Variants in NLRC3 observed in about 807,000 individuals in gnomAD.
NLRC3 encodes NLR family CARD domain-containing protein 3.
NLRC3 carries 87 observed loss-of-function variants against 91.6 expected under a neutral mutation model. The observed-to-expected ratio is 0.95, with a 90% CI of 0.80 to 1.14. The LOEUF (loss-of-function observed/expected upper bound fraction) is 1.14, where lower values mean the gene tolerates loss of function less well. Among genes scored for constraint, NLRC3 ranks in the 50% most tolerant of loss-of-function variants. NLRC3 has a pLI of 0.00. For synonymous variants in NLRC3, 694 were observed against 625.3 expected (o/e 1.11, Z -1.64); for missense variants, 1,577 against 1,418.6 (o/e 1.11, Z -1.79).
At position 3,563,419 on chromosome 16, in the gene NLRC3, C is replaced by T. The variant is rs767267890; in HGVS notation, c.1518G>A (p.Glu506=). ...RSAAQRAMQA[E]DGRLDVFLRF... is the part of the protein sequence containing the mutation. ...GCAGGAACACGTCCAGCCTCCCGTCCTCTGCCTGCATGGCCCGCTGGGCTG... is the reference window on the plus strand; with the variant it reads ...GCAGGAACACGTCCAGCCTCCCGTCTTCTGCCTGCATGGCCCGCTGGGCTG... Residue 506 remains glutamate, a synonymous_variant, in exon 5 of 20, where the codon GAG becomes GAA. Coordinates refer to ENST00000359128, the MANE Select transcript of NLRC3 (RefSeq NM_178844.4). 5 of 1,576,148 alleles carry T rather than the reference C, an allele frequency of 3.2e-6. No individual in the cohort carries two copies. Among genetic ancestry groups the T allele is most frequent in the South Asian group, 1.2e-5 (1 of 86,238 alleles).
At chr16:3,565,096 GC>G in intron 3 of NLRC3, 36 bp from the exon 4 acceptor site, 4 of 1,522,352 alleles carry the variant, frequency 2.6e-6, no homozygotes, top group Non-Finnish European at 1.8e-6. Flanking sequence ...TGCCTGCCGT[GC>G]CCCCCATCCA....
intron 1 of NLRC3, among the ~76,000 whole-genome samples, chr16:3,573,498 T>C (rs1263182998): frequency 2.6e-5 from 4 of 152,216 alleles, no homozygotes; most frequent in Non-Finnish European, 5.9e-5. Context: ...GCAGTGCTAC[T>C]GTCTGCCTGA....
At chr16:3,549,886 G>A in intron 11 of NLRC3, 106 bp from the exon 12 acceptor site, 2 of 705,568 alleles carry the variant, frequency 2.8e-6, no homozygotes, top group South Asian at 1.7e-5. Context: ...GGAGTTGGGG[G>A]CTCCAGGGAC....
rs1215110508 is a variant in NLRC3, at chr16:3,539,527, T to G, written c.*2298A>C. The G allele has an allele frequency of 6.6e-6, 1 of 152,240 alleles. No homozygotes were observed. The highest frequency in any genetic ancestry group is 1.5e-5 in the Non-Finnish European group (1 of 68,064). The allele number at this position is 152,240 out of a possible 1,614,324, so 9.4% of individuals were successfully genotyped here. A position where few individuals can be genotyped will look rare whatever the true frequency, so the allele number is the denominator to read the frequency against. ...CACCAGTTTGGCTCCTGAGGTTTCT[T>G]CAGCGTTAGGTTTCTGTAGGGCCCA... is the stretch of plus-strand genomic sequence containing the variant. On this transcript the variant is annotated 3_prime_UTR_variant, in exon 20 of 20. Transcript: ENST00000359128.
At chr16:3,558,599 C>G (rs1306041130) in intron 6 of NLRC3, among the ~76,000 whole-genome samples, 4 of 151,918 alleles carry the variant, frequency 2.6e-5, no homozygotes, top group African/African-American at 9.7e-5. Context: ...CACACACACA[C>G]ACACACACAT....
rs2038398870 is a variant in NLRC3 at position 3,541,656 on chromosome 16, G to A, written c.*169C>T. 1 of 606,102 alleles carries A rather than the reference G, an allele frequency of 1.6e-6. No homozygotes were observed. The highest frequency in any genetic ancestry group is 2.9e-6 in the Non-Finnish European group (1 of 339,636). 37.5% of individuals were successfully genotyped at this position (606,102 alleles called of 1,614,324 possible). ...CTGGACCACTCCTGCAGCAGAAGAG[G>A]AGCTCACGACCTCCTCCGGCAGCAC... On this transcript the variant is annotated 3_prime_UTR_variant, in exon 20 of 20. Transcript: ENST00000359128.
chr16:3,555,596 G>T (rs1174622429), intron 8 of NLRC3, among the ~76,000 whole-genome samples: 1 of 152,070 alleles, frequency 6.6e-6, no homozygotes, highest in African/African-American at 2.4e-5. Context: ...TTTAGACAGA[G>T]TCTCGCTCTG....
rs1375165077 is a variant in NLRC3 at position 3,565,027 on chromosome 16, G to T, written c.10C>A (p.Gln4Lys). The T allele has an allele frequency of 1.2e-6, 2 of 1,609,474 alleles. No individual in the cohort carries two copies. The highest frequency in any genetic ancestry group is 1.7e-6 in the Non-Finnish European group (2 of 1,179,670). Reference sequence around the variant, plus strand: ...GCCTCCCTGCCCGTCCGCACCTCTTGCTTCCTCATGGAGTCGGGGATCACC... The same window carrying T: ...GCCTCCCTGCCCGTCCGCACCTCTTTCTTCCTCATGGAGTCGGGGATCACC... The part of the protein sequence containing the change: MRK[Q>K]EVRTGREAGQ... The change falls in exon 4 of 20, where the codon CAA becomes AAA. Residue 4 changes from glutamine (Q) to lysine (K), a missense_variant. By Grantham distance (53) the Gln-to-Lys change is moderately conservative (BLOSUM62 1). Coordinates refer to ENST00000359128, the MANE Select transcript of NLRC3 (RefSeq NM_178844.4).
chr16:3,550,060 T>C (rs893166602), intron 11 of NLRC3, among the ~76,000 whole-genome samples: 33 of 152,114 alleles, frequency 2.2e-4, no homozygotes, highest in Non-Finnish European at 7.4e-5. Flanking sequence ...CAGGGTGTGT[T>C]GGGTCTGCAG....
At chr16:3,553,086 A>T (rs932050308) in intron 9 of NLRC3, among the ~76,000 whole-genome samples, 4 of 152,234 alleles carry the variant, frequency 2.6e-5, no homozygotes, top group Admixed American at 6.5e-5. Flanking sequence ...GGCAGGCAGG[A>T]CGTCTCCTGT....
At chr16:3,550,989 C>T (rs941922747) in intron 10 of NLRC3, among the ~76,000 whole-genome samples, 16 of 151,816 alleles carry the variant, frequency 1.1e-4, no homozygotes, top group African/African-American at 3.4e-4. Flanking sequence ...ATTCATAAAT[C>T]CATCCATTCG....
At chr16:3,549,484 G>C (rs2038882931) in intron 12 of NLRC3, among the ~76,000 whole-genome samples, 1 of 152,144 alleles carries the variant, frequency 6.6e-6, no homozygotes, top group African/African-American at 2.4e-5. Context: ...GGGGACAGGT[G>C]GCTCAGCGTG....
intron 15 of NLRC3, chr16:3,545,481 CAG>C (rs2038644740): frequency 6.6e-6 from 1 of 151,542 alleles, no homozygotes; most frequent in Admixed American, 6.6e-5. Flanking sequence ...GCCTGGGCGA[CAG>C]AGTTAGACTC....
At chr16:3,555,630 C>T (rs1163466733) in intron 8 of NLRC3, among the ~76,000 whole-genome samples, 1 of 152,010 alleles carries the variant, frequency 6.6e-6, no homozygotes, top group East Asian at 1.9e-4. Context: ...AGTGCAGTGG[C>T]GCGATCTTGG....
At chr16:3,550,846 C>T (rs2038955389) in intron 10 of NLRC3, among the ~76,000 whole-genome samples, 1 of 152,150 alleles carries the variant, frequency 6.6e-6, no homozygotes, top group African/African-American at 2.4e-5. Context: ...GGGGTTCACC[C>T]AGTCCTGGGA....
chr16:3,564,569 G>T lies in NLRC3; in HGVS notation c.368C>A (p.Ala123Asp). ...RGGGHPARTV[A>D]LDRLFLPLSR... ...GAGAGGCAGGAAGAGCCGGTCCAGG[G>T]CGACGGTCCTGGCGGGGTGCCCGCC... The change falls in exon 5 of 20, where the codon GCC (alanine) becomes GAC (aspartate). Residue 123 changes from alanine to aspartate, a missense_variant. By Grantham distance (126) the Ala-to-Asp change is moderately radical (BLOSUM62 -2). Coordinates refer to ENST00000359128, the MANE Select transcript of NLRC3 (RefSeq NM_178844.4). The surrounding 1 kb of genome is among the most constrained non-coding windows in gnomAD (Gnocchi z 5.9). The T allele has an allele frequency of 6.2e-7, 1 of 1,611,784 alleles. No homozygotes were observed. The highest frequency in any genetic ancestry group is 8.5e-7 in the Non-Finnish European group (1 of 1,179,522).
rs978687937 is a variant in NLRC3 at position 3,565,274 on chromosome 16, A to G, written c.-25+45T>C. On this transcript the variant is annotated intron_variant, in intron 3 of 19. Transcript: ENST00000359128. ...TCACACGAATGCAGGGGCCCAGTGG[A>G]TGATAACTGGGGCCCTGAGCTTGTA... The G allele has an allele frequency of 4.4e-6, 3 of 687,760 alleles. No individual in the cohort carries two copies. The African/African-American group carries it at 5.3e-5, about 12-fold the overall frequency. 42.6% of individuals were successfully genotyped at this position (687,760 alleles called of 1,614,324 possible). A position where few individuals can be genotyped will look rare whatever the true frequency, so the allele number is the denominator to read the frequency against.
Position 3,561,728 on chromosome 16 carries a change from C to T in NLRC3, c.1989G>A (p.Gly663=), listed in dbSNP as rs1354078466. 1.2e-6 allele frequency: 2 copies of T among 1,613,346 alleles called. No individual in the cohort carries two copies. The highest frequency in any genetic ancestry group is 3.3e-5 in the Admixed American group (2 of 60,002). ...VMELLGSVLS[G]KDCRIQKISL... ...TGATCTTCTGAATGCGACAGTCCTT[C>T]CCACTCAGCACGCTGCCCAGCAGCT... The change falls in exon 6 of 20, where the codon GGG becomes GGA. Residue 663 remains glycine (G), a synonymous_variant. Transcript: ENST00000359128.
Position 3,564,055 on chromosome 16 carries a change from G to T in NLRC3, c.882C>A (p.Ile294=), listed in dbSNP as rs773915912. 1 of 1,612,768 alleles carries T rather than the reference G, an allele frequency of 6.2e-7. No individual in the cohort carries two copies. Among genetic ancestry groups the T allele is most frequent in the South Asian group, 1.1e-5 (1 of 91,090 alleles). Reference sequence around the variant, plus strand: ...GGAACATCTGCTCCAAACACACCTTGATCTCCTCCTCGTTAAAGCCCCGGA... The same window carrying T: ...GGAACATCTGCTCCAAACACACCTTTATCTCCTCCTCGTTAAAGCCCCGGA... ...TEIRGFNEEE[I]KVCLEQMFPE... is the part of the protein sequence containing the mutation. Residue 294 remains isoleucine, a synonymous_variant, in exon 5 of 20, where the codon ATC becomes ATA. Transcript: ENST00000359128. This position sits in a 1 kb window ranked among gnomAD's most constrained non-coding sequence, Gnocchi z 5.9.
Sources: allele counts gnomAD v4.1 joint callset (sites outside exome capture counted in the v4.1 genomes callset), GRCh38; gene constraint gnomAD v4.1.1; non-coding constraint Gnocchi (gnomAD v3.1); transcripts MANE v1.5; gene names NCBI Gene and HGNC (gene_info 2026-07-23, HGNC 2026-07-21).